The following SKI variants were observed in gnomAD, a reference collection of about 807,000 sequenced individuals.
SKI encodes the protein ski oncogene.
A neutral mutation model predicts 59.3 loss-of-function variants in SKI; 23 were observed. The ratio of observed to expected loss-of-function variants is 0.39; its 90% confidence interval spans 0.28 to 0.55. SKI has a LOEUF of 0.55. Ranked by LOEUF, SKI falls within the 20% of genes least tolerant of loss-of-function variation. The pLI is 0.67. For missense variants in SKI, 1,017 were observed against 1,038.9 expected (o/e 0.98, Z 0.29); for synonymous variants, 673 against 488.6 (o/e 1.38, Z -4.98).
intron 1 of SKI, among the ~76,000 whole-genome samples, chr1:2,234,150 G>C (rs560332098): frequency 6.6e-6 from 1 of 152,186 alleles, no homozygotes; most frequent in Non-Finnish European, 1.5e-5. Context: ...CGGAAAGACG[G>C]CCGGCTGCTG....
chr1:2,240,576 A>G (rs895720458), intron 1 of SKI: 1 of 985,328 alleles, frequency 1.0e-6, no homozygotes, highest in Non-Finnish European at 1.2e-6. Context: ...AGGCTCCCAG[A>G]AGAAGAAATC....
intron 1 of SKI, among the ~76,000 whole-genome samples, chr1:2,283,042 G>T (rs1462167096): frequency 6.6e-6 from 1 of 152,242 alleles, no homozygotes; most frequent in African/African-American, 2.4e-5. Flanking sequence ...TGGCTGTGGG[G>T]GCGCAGGCAT....
rs1474048036 is a variant in SKI, at chr1:2,229,350, A to G, written c.584A>G (p.Tyr195Cys). The G allele has an allele frequency of 6.3e-7, 1 of 1,595,914 alleles. No individual in the cohort carries two copies. Among genetic ancestry groups the G allele is most frequent in the Non-Finnish European group, 8.5e-7 (1 of 1,171,628 alleles). Residue 195 changes from tyrosine (Y) to cysteine (C), a missense_variant, in exon 1 of 7, where the codon TAC becomes TGC. Transcript: ENST00000378536. This position sits in a 1 kb window ranked among gnomAD's most constrained non-coding sequence, Gnocchi z 6.3. ...LCNALLYGGA[Y>C]PPPCKKELAA... is the part of the protein sequence containing the mutation. Reference sequence around the variant, plus strand: ...AACGCGCTGCTCTACGGCGGCGCCTACCCGCCGCCCTGCAAGAAGGAGCTG... The same window carrying G: ...AACGCGCTGCTCTACGGCGGCGCCTGCCCGCCGCCCTGCAAGAAGGAGCTG...
intron 1 of SKI, among the ~76,000 whole-genome samples, chr1:2,246,434 G>T (rs764557106): frequency 6.6e-6 from 1 of 152,150 alleles, no homozygotes; most frequent in Non-Finnish European, 1.5e-5. Flanking sequence ...TGTTCTACTT[G>T]TAAATTTCTG....
rs537423092 is a variant in SKI at position 2,268,771 on chromosome 1, C to G, written c.970-34207C>G. The stretch of plus-strand genomic sequence containing the variant: ...GCCATGACAGGAGTGGGTGTGGGGA[C>G]TGGTGGGGACAGCGACTGTGCCTTC... On this transcript the variant is annotated intron_variant, in intron 1 of 6. Coordinates refer to ENST00000378536, the MANE Select transcript of SKI (RefSeq NM_003036.4). The surrounding 1 kb of genome is among the most constrained non-coding windows in gnomAD (Gnocchi z 5.0). Among the ~76,000 whole-genome samples the G allele has an allele frequency of 6.6e-6, 1 of 152,184 alleles. No individual in the cohort carries two copies. Among genetic ancestry groups the G allele is most frequent in the Non-Finnish European group, 1.5e-5 (1 of 68,024 alleles).
chr1:2,253,334 T>G (rs1639203246), intron 1 of SKI, among the ~76,000 whole-genome samples: 1 of 152,114 alleles, frequency 6.6e-6, no homozygotes, highest in African/African-American at 2.4e-5. Flanking sequence ...TATCACGGGC[T>G]CCAGCACAGC....
chr1:2,285,727 C>T (rs1640025818), intron 1 of SKI, among the ~76,000 whole-genome samples: 1 of 151,364 alleles, frequency 6.6e-6, no homozygotes. Flanking sequence ...CCATGCCCAG[C>T]CAATTTTTGT....
At chr1:2,290,743 G>A (rs1640144103) in intron 1 of SKI, among the ~76,000 whole-genome samples, 1 of 152,176 alleles carries the variant, frequency 6.6e-6, no homozygotes, top group Admixed American at 6.5e-5. Flanking sequence ...CTAGCGCTTG[G>A]GTGAGGGTTG....
At position 2,229,389 on chromosome 1, in the gene SKI, C is replaced by T. The variant is rs1276237576; in HGVS notation, c.623C>T (p.Ala208Val). The change falls in exon 1 of 7, where the codon GCG (alanine) becomes GTG (valine). Residue 208 changes from alanine (A) to valine (V), a missense_variant. Physicochemically the swap from Ala to Val is moderately conservative, Grantham distance 64 (BLOSUM62 0). Transcript: ENST00000378536. This position sits in a 1 kb window ranked among gnomAD's most constrained non-coding sequence, Gnocchi z 6.3. ...AAGAAGGAGCTGGCCGCCAGCCTGG[C>T]GCTGGGCCTGGAGCTCAGCGAGCGC... ...PCKKELAASL[A>V]LGLELSERSV... The T allele has an allele frequency of 4.4e-6, 7 of 1,605,196 alleles. No individual in the cohort carries two copies. Among genetic ancestry groups the T allele is most frequent in the African/African-American group, 1.3e-5 (1 of 74,780 alleles).
intron 1 of SKI, among the ~76,000 whole-genome samples, chr1:2,293,035 G>C (rs1640198830): frequency 1.3e-5 from 2 of 152,286 alleles, no homozygotes; most frequent in African/African-American, 4.8e-5. Flanking sequence ...CTTCACTCCT[G>C]GGCAGGGTGC....
intron 1 of SKI, among the ~76,000 whole-genome samples, chr1:2,266,834 G>A (rs1639510428): frequency 1.3e-5 from 2 of 152,168 alleles, no homozygotes; most frequent in Admixed American, 1.3e-4. Context: ...CTAGGCTGAG[G>A]CTCTTGTTGT....
intron 1 of SKI, among the ~76,000 whole-genome samples, chr1:2,254,331 C>A (rs147581473): frequency 6.6e-5 from 10 of 152,140 alleles, no homozygotes; most frequent in Admixed American, 1.3e-4. Context: ...CTGCTCTCCC[C>A]CCGTGGGTCT....
In SKI at chr1:2,308,596, C is replaced by T. The variant is rs1640659573; in HGVS notation, c.*1831C>T. ...GAATGCTGTTTTTAGCCTTGTTTTA[C>T]CAGAGTTGTTTTTTTTTTCAGTTAT... On this transcript the variant is annotated 3_prime_UTR_variant, in exon 7 of 7. Coordinates refer to ENST00000378536, the MANE Select transcript of SKI (RefSeq NM_003036.4). 6.6e-6 allele frequency: 1 copy of T among 151,994 alleles called. No homozygotes were observed. Among genetic ancestry groups the T allele is most frequent in the African/African-American group, 2.4e-5 (1 of 41,350 alleles). The allele number at this position is 151,994 out of a possible 1,614,324, so 9.4% of individuals were successfully genotyped here.
intron 1 of SKI, among the ~76,000 whole-genome samples, chr1:2,283,504 A>G (rs1639961409): frequency 6.6e-6 from 1 of 152,222 alleles, no homozygotes; most frequent in African/African-American, 2.4e-5. Context: ...GGCCGGGGCC[A>G]GGACCAAAGC....
intron 1 of SKI, among the ~76,000 whole-genome samples, chr1:2,274,142 C>A (rs12045693): frequency 0.45 from 68,736 of 151,504 alleles, 15,761 homozygotes; most frequent in African/African-American, 0.51. Flanking sequence ...AGCGCTTTGT[C>A]AATGGCACTG....
chr1:2,274,502 G>T (rs1431383757), intron 1 of SKI, among the ~76,000 whole-genome samples: 2 of 152,206 alleles, frequency 1.3e-5, no homozygotes, highest in African/African-American at 4.8e-5. Context: ...CCTGGTCGTG[G>T]CCGCGTGTGC....
At chr1:2,294,107 T>C (rs957377426) in intron 1 of SKI, among the ~76,000 whole-genome samples, 1 of 152,176 alleles carries the variant, frequency 6.6e-6, no homozygotes, top group Non-Finnish European at 1.5e-5. Flanking sequence ...GGGGTGGTCC[T>C]GAGAAGCCGA....
At chr1:2,302,768 C>G (rs1193189368) in intron 1 of SKI, among the ~76,000 whole-genome samples, 1 of 152,220 alleles carries the variant, frequency 6.6e-6, no homozygotes, top group Non-Finnish European at 1.5e-5. Flanking sequence ...AGCACAGCCT[C>G]CACGTGCCTG....
At chr1:2,288,589 C>A (rs965997787) in intron 1 of SKI, among the ~76,000 whole-genome samples, 9 of 152,228 alleles carry the variant, frequency 5.9e-5, no homozygotes, top group Non-Finnish European at 1.2e-4. Flanking sequence ...GCGCGTGAGA[C>A]CCCCAGGTGG....
Sources: gnomAD v4.1 joint callset for allele counts (sites outside exome capture counted in the v4.1 genomes callset) on GRCh38, gnomAD v4.1.1 for gene constraint, Gnocchi (gnomAD v3.1) non-coding constraint, MANE v1.5 for transcripts, NCBI Gene and HGNC (gene_info 2026-07-23, HGNC 2026-07-21) for gene names.